Variants in BRWD1 observed in about 807,000 individuals in gnomAD.
BRWD1 encodes the protein bromodomain and WD repeat domain containing 1, also known as bromodomain and WD repeat-containing protein 1.
In BRWD1, 82 loss-of-function variants were observed where a neutral mutation model predicts 251.2. That is an observed-to-expected ratio of 0.33 (90% confidence interval 0.27 to 0.39). The LOEUF (loss-of-function observed/expected upper bound fraction) is 0.39, where lower values mean the gene tolerates loss of function less well. Ranked by LOEUF, BRWD1 falls within the 10% of genes least tolerant of loss-of-function variation. The pLI is 1.00. For missense variants in BRWD1, 2,233 were observed against 2,711.6 expected (o/e 0.82, Z 3.92); for synonymous variants, 918 against 902.8 (o/e 1.02, Z -0.30).
rs1256170442 is a variant in BRWD1 at position 39,232,447 on chromosome 21, C to T, written c.2818G>A (p.Glu940Lys). The T allele has an allele frequency of 1.3e-6, 2 of 1,587,984 alleles. No homozygotes were observed. The highest frequency in any genetic ancestry group is 2.2e-5 in the East Asian group (1 of 44,780). ...GTAATCCAAACTGGAGGGTGAAATT[C>T]ATATAAATGCTCCATATTTGCAAGC... Reference protein sequence around the residue: ...AELANMEHLYEFHPPVWITDT... With the variant: ...AELANMEHLYKFHPPVWITDT... Residue 940 changes from glutamate (E) to lysine (K), a missense_variant, in exon 24 of 41, where the codon GAA (glutamate) becomes AAA (lysine). Transcript: ENST00000342449.
At chr21:39,198,274 G>T (rs974701216) in intron 40 of BRWD1, among the ~76,000 whole-genome samples, 1 of 152,114 alleles carries the variant, frequency 6.6e-6, no homozygotes, top group East Asian at 1.9e-4. Flanking sequence ...CTTCATAAAA[G>T]AAATGAAGAC....
chr21:39,199,863 A>C (rs1432983656), intron 39 of BRWD1, among the ~76,000 whole-genome samples: 1 of 152,024 alleles, frequency 6.6e-6, no homozygotes, highest in African/African-American at 2.4e-5. Flanking sequence ...CGATTCTCCT[A>C]CCTCAGCCTC....
rs923495689 is a variant in BRWD1, at chr21:39,215,285, A to G, written c.3737T>C (p.Ile1246Thr). 1 of 1,612,844 alleles carries G rather than the reference A, an allele frequency of 6.2e-7. No homozygotes were observed. Among genetic ancestry groups the G allele is most frequent in the South Asian group, 1.1e-5 (1 of 91,052 alleles). ...AGTTATCTTTTTAGCTGATCTTGCAATTACACTCTCAGGTTCGTTAAATGT... is the reference window on the plus strand; with the variant it reads ...AGTTATCTTTTTAGCTGATCTTGCAGTTACACTCTCAGGTTCGTTAAATGT... ...ARTFNEPESV[I>T]ARSAKKITDQ... The change falls in exon 32 of 41, where the codon ATT (isoleucine) becomes ACT (threonine). Residue 1246 changes from isoleucine to threonine, a missense_variant. Coordinates refer to ENST00000342449, the MANE Select transcript of BRWD1 (RefSeq NM_033656.4).
At position 39,231,320 on chromosome 21, in the gene BRWD1, C is replaced by G. The variant is rs565325084; in HGVS notation, c.3000+857G>C. Reference sequence around the variant, plus strand: ...CATAACCAGAAATACCACTTCACACCCCATTTTTCCTATTAGTAATACACT... The same window carrying G: ...CATAACCAGAAATACCACTTCACACGCCATTTTTCCTATTAGTAATACACT... On this transcript the variant is annotated intron_variant, in intron 25 of 40. Coordinates refer to ENST00000342449, the MANE Select transcript of BRWD1 (RefSeq NM_033656.4). Among the ~76,000 whole-genome samples, 4 of 152,132 alleles carry G rather than the reference C, an allele frequency of 2.6e-5. No homozygotes were observed. The South Asian group carries it at 8.3e-4, about 32-fold the overall frequency.
chr21:39,239,921 C>T (rs1389750949), intron 21 of BRWD1, among the ~76,000 whole-genome samples: 6 of 152,028 alleles, frequency 3.9e-5, no homozygotes, highest in Admixed American at 6.5e-5. Context: ...AAATTATGTC[C>T]GCACAAAAAC....
At chr21:39,228,786 T>G (rs1415722669) in intron 26 of BRWD1, among the ~76,000 whole-genome samples, 1 of 152,132 alleles carries the variant, frequency 6.6e-6, no homozygotes, top group Middle Eastern at 3.2e-3. Context: ...CAAAACAAAA[T>G]AGAGATCTGA....
Position 39,187,598 on chromosome 21 carries a change from C to G in BRWD1, c.*8661G>C. The G allele has an allele frequency of 1.0e-6, 1 of 985,082 alleles. No homozygotes were observed. The highest frequency in any genetic ancestry group is 1.2e-6 in the Non-Finnish European group (1 of 829,648). 61.0% of individuals were successfully genotyped at this position (985,082 alleles called of 1,614,324 possible). ...TCACATTGATATAACCTTACATTTG[C>G]TTATCTACAACTATAAGGATGTCAC... On this transcript the variant is annotated 3_prime_UTR_variant, in exon 41 of 41. Transcript: ENST00000342449.
chr21:39,303,578 C>T (rs1469026778), intron 4 of BRWD1, among the ~76,000 whole-genome samples: 3 of 150,348 alleles, frequency 2.0e-5, no homozygotes, highest in African/African-American at 4.9e-5. Context: ...TTAGGCCAGG[C>T]GAGGTCCACT....
rs1429109997 is a variant in BRWD1, at chr21:39,280,268, C to T, written c.832-20G>A. Reference sequence around the variant, plus strand: ...GCTAAACTAAAAAGTAAAACATATACAATTCAGTTTCCAGAACTTCTACTT... The same window carrying T: ...GCTAAACTAAAAAGTAAAACATATATAATTCAGTTTCCAGAACTTCTACTT... On this transcript the variant is annotated intron_variant, in intron 8 of 40. Transcript: ENST00000342449. 4.5e-6 allele frequency: 7 copies of T among 1,557,700 alleles called. No individual in the cohort carries two copies. Among genetic ancestry groups the T allele is most frequent in the South Asian group, 1.2e-5 (1 of 85,754 alleles).
rs2031493284 is a variant in BRWD1 at position 39,190,435 on chromosome 21, CCT to C, written c.*5822_*5823del. ...CTGACTCAAAATGAAAACATACTAG[CCT>C]CTTTCATAAACTCCTAGAATCTTGA... On this transcript the variant is annotated 3_prime_UTR_variant, in exon 41 of 41. Transcript: ENST00000342449. 2 of 985,118 alleles carry C rather than the reference CCT, an allele frequency of 2.0e-6. No individual in the cohort carries two copies. The highest frequency in any genetic ancestry group is 2.4e-6 in the Non-Finnish European group (2 of 829,856). 61.0% of individuals were successfully genotyped at this position (985,118 alleles called of 1,614,324 possible).
intron 36 of BRWD1, among the ~76,000 whole-genome samples, chr21:39,209,203 C>T (rs538628154): frequency 6.6e-6 from 1 of 152,180 alleles, no homozygotes; most frequent in Non-Finnish European, 1.5e-5. Context: ...AAAGAAATAA[C>T]TATACATGCC....
At chr21:39,257,945 A>G (rs1275407889) in intron 18 of BRWD1, among the ~76,000 whole-genome samples, 1 of 152,196 alleles carries the variant, frequency 6.6e-6, no homozygotes, top group Non-Finnish European at 1.5e-5. Context: ...CTGTAAGTTT[A>G]AGAGAAAAAA....
chr21:39,226,146 A>G (rs1211002015), intron 27 of BRWD1, among the ~76,000 whole-genome samples: 1 of 152,152 alleles, frequency 6.6e-6, no homozygotes, highest in Non-Finnish European at 1.5e-5. Context: ...ATACAAAAAC[A>G]ACCCTTTAAA....
At position 39,247,784 on chromosome 21, in the gene BRWD1, G is replaced by A. The variant is rs773440600; in HGVS notation, c.2398C>T (p.Arg800Cys). 2 of 1,613,058 alleles carry A rather than the reference G, an allele frequency of 1.2e-6. No homozygotes were observed. The highest frequency in any genetic ancestry group is 1.7e-6 in the Non-Finnish European group (2 of 1,179,564). The change falls in exon 21 of 41, where the codon CGT becomes TGT. Residue 800 changes from arginine to cysteine, a missense_variant. Physicochemically the swap from Arg to Cys is radical, Grantham distance 180. Around this residue, in one of 12 missense-constraint regions of BRWD1, gnomAD observed 214 missense variants for 222.0 expected, o/e 0.96. Coordinates refer to ENST00000342449, the MANE Select transcript of BRWD1 (RefSeq NM_033656.4). The part of the protein sequence containing the change: ...VSQSRQRTCR[R>C]KYPNYGRRNR... ...CTTCTACCATAATTTGGATATTTACGCCTACATGTCCTTTGTCTAGACTGT... is the reference window on the plus strand; with the variant it reads ...CTTCTACCATAATTTGGATATTTACACCTACATGTCCTTTGTCTAGACTGT...
chr21:39,301,942 T>TCA (rs2036127064), intron 4 of BRWD1, among the ~76,000 whole-genome samples: 1 of 146,414 alleles, frequency 6.8e-6, no homozygotes, highest in Non-Finnish European at 1.5e-5. Context: ...GCTACTGAAG[T>TCA]CACTGTCAAC....
chr21:39,234,299 G>A (rs2033731717), intron 23 of BRWD1, among the ~76,000 whole-genome samples: 1 of 152,172 alleles, frequency 6.6e-6, no homozygotes, highest in Admixed American at 6.5e-5. Context: ...AATACAGAAG[G>A]AGCTTATGTT....
At position 39,194,732 on chromosome 21, in the gene BRWD1, C is replaced by T; in HGVS notation, c.*1527G>A. The T allele has an allele frequency of 6.5e-7, 1 of 1,535,256 alleles. No individual in the cohort carries two copies. Among genetic ancestry groups the T allele is most frequent in the Non-Finnish European group, 8.7e-7 (1 of 1,146,048 alleles). On this transcript the variant is annotated 3_prime_UTR_variant, in exon 41 of 41. Coordinates refer to ENST00000342449, the MANE Select transcript of BRWD1 (RefSeq NM_033656.4). ...CGCCTTGTCTGCCACTTCAAAGATA[C>T]ACAGGAGAAAAGGTTTTGTCTGAAA... is the stretch of plus-strand genomic sequence containing the variant.
Position 39,196,024 on chromosome 21 carries a change from C to A in BRWD1, c.*235G>T, listed in dbSNP as rs989037938. On this transcript the variant is annotated 3_prime_UTR_variant, in exon 41 of 41. Transcript: ENST00000342449. ...CTTGCTATATGTAGTCAAATACTGT[C>A]AAAATAGATCTGCCCCCAAAATGAA... The A allele has an allele frequency of 8.9e-6, 11 of 1,234,220 alleles. No individual in the cohort carries two copies. Among genetic ancestry groups the A allele is most frequent in the Non-Finnish European group, 1.1e-5 (11 of 987,374 alleles). The allele number at this position is 1,234,220 out of a possible 1,614,324, so 76.5% of individuals were successfully genotyped here. A position where few individuals can be genotyped will look rare whatever the true frequency, so the allele number is the denominator to read the frequency against.
chr21:39,256,748 C>T (rs1048348047), intron 18 of BRWD1, among the ~76,000 whole-genome samples: 1 of 152,184 alleles, frequency 6.6e-6, no homozygotes, highest in Non-Finnish European at 1.5e-5. Context: ...GCTACTAACA[C>T]AACAGAAAAA....
Sources: allele counts gnomAD v4.1 joint callset (sites outside exome capture counted in the v4.1 genomes callset), GRCh38; gene constraint gnomAD v4.1.1; regional missense constraint gnomAD v4.1.1; transcripts MANE v1.5; gene names NCBI Gene and HGNC (gene_info 2026-07-23, HGNC 2026-07-21).